RP1: variants seen among roughly 807,000 people sequenced by gnomAD.
RP1 encodes the protein oxygen-regulated protein 1.
RP1 carries 16 observed loss-of-function variants against 14.8 expected under a neutral mutation model. That is an observed-to-expected ratio of 1.08 (90% CI 0.73 to 1.65). The LOEUF (loss-of-function observed/expected upper bound fraction) is 1.65, where lower values mean the gene tolerates loss of function less well. Among genes scored for constraint, RP1 ranks in the 40% most tolerant of loss-of-function variants. RP1 has a pLI of 0.00. For synonymous variants in RP1, 876 were observed against 883.6 expected (o/e 0.99, Z 0.15); for missense variants, 2,631 against 2,535.0 (o/e 1.04, Z -0.81).
At position 54,655,282 on chromosome 8, in the gene RP1, A is replaced by G. The variant is rs549247526; in HGVS notation, c.1039-801A>G. 3.3e-5 allele frequency among the ~76,000 whole-genome samples: 5 copies of G among 152,346 alleles called. No individual in the cohort carries two copies. The East Asian group carries it at 5.8e-4, about 18-fold the overall frequency. ...GCTTATTCACTATTTTGTGACATCA[A>G]TTACTGGAACTCCAAGAGATACTGT... On this transcript the variant is annotated intron_variant, in intron 5 of 22. Transcript: ENST00000636932.
chr8:54,632,359 A>T (rs1202406959), downstream of RP1, among the ~76,000 whole-genome samples: 1 of 152,184 alleles, frequency 6.6e-6, no homozygotes. Flanking sequence ...ATGCATCATA[A>T]TTGGGAGAAG....
At chr8:54,806,239 G>T (rs991438538) in intron 24 of RP1, among the ~76,000 whole-genome samples, 3 of 151,954 alleles carry the variant, frequency 2.0e-5, no homozygotes, top group African/African-American at 7.3e-5. Context: ...GACTGGTCTC[G>T]AACTCCTGAC....
At position 54,627,399 on chromosome 8, in the gene RP1, A is replaced by G; in HGVS notation, c.3517A>G (p.Thr1173Ala). 2 of 1,614,204 alleles carry G rather than the reference A, an allele frequency of 1.2e-6. No individual in the cohort carries two copies. Among genetic ancestry groups the G allele is most frequent in the Non-Finnish European group, 1.7e-6 (2 of 1,179,988 alleles). ...GGAGATTCTAAAGCACATAGCTATCACAGAGGAAGCTGATGACTTGAAAGC... is the reference window on the plus strand; with the variant it reads ...GGAGATTCTAAAGCACATAGCTATCGCAGAGGAAGCTGATGACTTGAAAGC... ...LLEILKHIAI[T>A]EEADDLKAAV... Residue 1173 changes from threonine (T) to alanine (A), a missense_variant, in exon 4 of 4, where the codon ACA (threonine) becomes GCA (alanine). Physicochemically the swap from Thr to Ala is moderately conservative, Grantham distance 58 (BLOSUM62 0). Transcript: ENST00000220676.
At chr8:54,738,346 A>T (rs909144025) in intron 18 of RP1, among the ~76,000 whole-genome samples, 1 of 152,190 alleles carries the variant, frequency 6.6e-6, no homozygotes, top group Non-Finnish European at 1.5e-5. Context: ...CCAGTTCTCC[A>T]CAATGCTACC....
intron 26 of RP1, among the ~76,000 whole-genome samples, chr8:54,853,502 A>T (rs999706669): frequency 5.3e-5 from 8 of 152,050 alleles, no homozygotes; most frequent in Non-Finnish European, 1.2e-4. Context: ...GGGGGACAGA[A>T]CTCATGTCTT....
intron 24 of RP1, among the ~76,000 whole-genome samples, chr8:54,822,712 A>G (rs898330726): frequency 1.3e-5 from 2 of 152,200 alleles, no homozygotes; most frequent in African/African-American, 4.8e-5. Context: ...GAAAGCAGGT[A>G]TTACACCAAG....
chr8:54,775,859 C>T (rs1810023424), intron 23 of RP1, among the ~76,000 whole-genome samples: 2 of 152,152 alleles, frequency 1.3e-5, no homozygotes, highest in African/African-American at 2.4e-5. Flanking sequence ...TAATGACCAG[C>T]ACACAGTAAT....
At position 54,626,527 on chromosome 8, in the gene RP1, T is replaced by C; in HGVS notation, c.2645T>C (p.Ile882Thr). 1 of 1,613,848 alleles carries C rather than the reference T, an allele frequency of 6.2e-7. No homozygotes were observed. Among genetic ancestry groups the C allele is most frequent in the Non-Finnish European group, 8.5e-7 (1 of 1,179,912 alleles). ...GGGGATAAAGTGAAAGCAAGTGCTA[T>C]TTTAAGTAAACAACATGCTACAACC... ...RKGDKVKASA[I>T]LSKQHATTRA... The change falls in exon 4 of 4, where the codon ATT becomes ACT. Residue 882 changes from isoleucine (I) to threonine (T), a missense_variant. Transcript: ENST00000220676.
At chr8:54,744,110 A>C (rs1240259899) in intron 19 of RP1, among the ~76,000 whole-genome samples, 1 of 152,236 alleles carries the variant, frequency 6.6e-6, no homozygotes, top group Non-Finnish European at 1.5e-5. Context: ...GGTAAAATCT[A>C]TTAACATTCT....
chr8:54,761,609 C>T (rs1229995229), intron 22 of RP1, among the ~76,000 whole-genome samples: 1 of 152,054 alleles, frequency 6.6e-6, no homozygotes, highest in Non-Finnish European at 1.5e-5. Flanking sequence ...TAAGTGATAG[C>T]TTAATTATTA....
At position 54,629,217 on chromosome 8, in the gene RP1, A is replaced by T. The variant is rs748293359; in HGVS notation, c.5335A>T (p.Asn1779Tyr). The T allele has an allele frequency of 2.9e-5, 47 of 1,614,022 alleles. No homozygotes were observed. In the East Asian group the frequency reaches 1.0e-3, roughly 34 times the overall value. The change falls in exon 4 of 4, where the codon AAC (asparagine) becomes TAC (tyrosine). Residue 1779 changes from asparagine to tyrosine, a missense_variant. Asn to Tyr is a moderately radical substitution (Grantham distance 143, BLOSUM62 -2). Transcript: ENST00000220676. ...TTSVDTLLDN[N>Y]SSEVPYSHFG... ...ATCAGTGGACACCCTACTTGATAATAACAGCAGTGAGGTACCATATTCACA... is the reference window on the plus strand; with the variant it reads ...ATCAGTGGACACCCTACTTGATAATTACAGCAGTGAGGTACCATATTCACA...
chr8:54,765,055 G>A (rs887151769), intron 22 of RP1, among the ~76,000 whole-genome samples: 3 of 152,256 alleles, frequency 2.0e-5, no homozygotes, highest in Admixed American at 2.0e-4. Flanking sequence ...CGGCCTGGCA[G>A]AGAGCGGCGT....
At chr8:54,579,054 G>A (rs1316386952) in intron 1 of RP1, among the ~76,000 whole-genome samples, 1 of 152,126 alleles carries the variant, frequency 6.6e-6, no homozygotes, top group East Asian at 1.9e-4. Context: ...CACTTGTAAG[G>A]TTGGATGCTT....
intron 26 of RP1, among the ~76,000 whole-genome samples, chr8:54,854,731 G>A (rs747330299): frequency 5.3e-5 from 8 of 152,184 alleles, no homozygotes; most frequent in Non-Finnish European, 1.5e-5. Flanking sequence ...CGGGCGTGGC[G>A]GCAGGCGCCT....
intron 12 of RP1, among the ~76,000 whole-genome samples, chr8:54,681,072 TC>T (rs766965131): frequency 1.1e-4 from 17 of 152,202 alleles, no homozygotes; most frequent in Non-Finnish European, 2.5e-4. Context: ...AAAAATTGGT[TC>T]CCACTTGAGA....
chr8:54,613,268 G>A (rs893621474), upstream of RP1, among the ~76,000 whole-genome samples: 5 of 152,154 alleles, frequency 3.3e-5, no homozygotes, highest in Admixed American at 2.0e-4. Context: ...GACAAAGGAC[G>A]AAGGCCATAT....
intron 22 of RP1, among the ~76,000 whole-genome samples, chr8:54,764,095 T>C (rs1809706750): frequency 6.6e-6 from 1 of 152,224 alleles, no homozygotes; most frequent in South Asian, 2.1e-4. Context: ...CACCTTCTTA[T>C]TAATTGTTGA....
intron 24 of RP1, among the ~76,000 whole-genome samples, chr8:54,818,158 T>C (rs1811177958): frequency 6.6e-6 from 1 of 152,258 alleles, no homozygotes; most frequent in Non-Finnish European, 1.5e-5. Flanking sequence ...TTACACTGCC[T>C]TGGCTAGGTA....
rs543585999 is a variant in RP1 at position 54,707,623 on chromosome 8, C to T, written c.2211+968C>T. ...GATCTTCTGAATAAATTCTGAGGTC[C>T]GCCCTCTCCCTTCTTACCAGTCATG... On this transcript the variant is annotated intron_variant, in intron 15 of 22. Coordinates refer to the RP1 transcript ENST00000636932. 7.9e-5 allele frequency among the ~76,000 whole-genome samples: 12 copies of T among 152,230 alleles called. No individual in the cohort carries two copies. In the South Asian group the frequency reaches 1.0e-3, roughly 13 times the overall value.
Sources: gnomAD v4.1 joint callset for allele counts (sites outside exome capture counted in the v4.1 genomes callset) on GRCh38, gnomAD v4.1.1 for gene constraint, MANE v1.5 for transcripts, NCBI Gene and HGNC (gene_info 2026-07-23, HGNC 2026-07-21) for gene names.